Variants in THRAP3 observed in about 807,000 individuals in gnomAD.
The protein encoded by THRAP3 is thyroid hormone receptor associated protein 3, also known as thyroid hormone receptor-associated protein 3.
In THRAP3, 16 loss-of-function variants were observed where a neutral mutation model predicts 101.0. The ratio of observed to expected loss-of-function variants is 0.16; its 90% CI spans 0.11 to 0.24. THRAP3 has a LOEUF of 0.24. Among genes scored for constraint, THRAP3 ranks in the 10% least tolerant of loss-of-function variants. The probability of loss-of-function intolerance (pLI) is 1.00; values close to 1 mark genes in which losing one functional copy is unlikely to be tolerated. For missense variants in THRAP3, 989 were observed against 1,202.7 expected, an observed-to-expected ratio of 0.82 and a Z score of 2.63; for synonymous variants, 407 against 422.6, an observed-to-expected ratio of 0.96 and a Z score of 0.45.
chr1:36,256,998 TG>T (rs2124478184), intron 1 of THRAP3, among the ~76,000 whole-genome samples: 1 of 152,210 alleles, frequency 6.6e-6, no homozygotes, highest in Admixed American at 6.5e-5. Context: ...GGTTTCTCCA[TG>T]TTGGTCAGGC....
At chr1:36,252,923 T>G (rs1645321010) in intron 1 of THRAP3, among the ~76,000 whole-genome samples, 5 of 98,490 alleles carry the variant, frequency 5.1e-5, no homozygotes, top group East Asian at 6.6e-4. Context: ...TATATATAGA[T>G]AGGCATATAT....
chr1:36,223,697 C>T (rs115464631), upstream of THRAP3, among the ~76,000 whole-genome samples: 600 of 152,228 alleles, frequency 3.9e-3, 6 homozygotes, highest in African/African-American at 0.014. Context: ...AGACACTCCC[C>T]GGTAAACTTT....
chr1:36,288,454 G>A (rs1645824321), intron 4 of THRAP3: 1 of 985,410 alleles, frequency 1.0e-6, no homozygotes, highest in African/African-American at 1.7e-5. Flanking sequence ...ACTTGAGCAT[G>A]AGCTCTGCTT....
At chr1:36,220,978 T>TA (rs1557797717), upstream of THRAP3, among the ~76,000 whole-genome samples, 1 of 114,658 alleles carries the variant, frequency 8.7e-6, no homozygotes, top group African/African-American at 4.1e-5. Context: ...AAAAAATATA[T>TA]ATATATATAT....
intron 8 of THRAP3, 27 bp from the exon 9 acceptor site, chr1:36,296,556 C>A: frequency 6.6e-7 from 1 of 1,507,920 alleles, no homozygotes; most frequent in Non-Finnish European, 8.8e-7. Context: ...ATCCCAGAAA[C>A]CTTAATTTTG....
At chr1:36,212,021 G>A in the THRAP3 span, among the ~76,000 whole-genome samples, 1 of 152,176 alleles carries the variant, frequency 6.6e-6, no homozygotes, top group African/African-American at 2.4e-5. Flanking sequence ...CTCATGGCAT[G>A]GAAAAGTCCA....
At chr1:36,295,286 A>C (rs1645931117) in intron 8 of THRAP3, among the ~76,000 whole-genome samples, 1 of 151,996 alleles carries the variant, frequency 6.6e-6, no homozygotes, top group Non-Finnish European at 1.5e-5. Flanking sequence ...CTGCTGTTAA[A>C]CTTTTTTTTT....
intron 9 of THRAP3, among the ~76,000 whole-genome samples, chr1:36,299,755 C>T (rs749517984): frequency 1.4e-4 from 22 of 152,026 alleles, no homozygotes; most frequent in Admixed American, 3.3e-4. Context: ...GTGATCCAGC[C>T]GCCTTGGCCT....
intron 11 of THRAP3, among the ~76,000 whole-genome samples, chr1:36,303,562 T>TA (rs1401785035): frequency 6.6e-6 from 1 of 152,206 alleles, no homozygotes; most frequent in Non-Finnish European, 1.5e-5. Context: ...CAATCATCGT[T>TA]ACAATGCCCA....
chr1:36,219,460 T>C (rs888073083), upstream of THRAP3, among the ~76,000 whole-genome samples: 5 of 152,216 alleles, frequency 3.3e-5, no homozygotes, highest in African/African-American at 9.6e-5. Context: ...GATCTCACTC[T>C]GTTGCCTAGA....
intron 2 of THRAP3, among the ~76,000 whole-genome samples, chr1:36,278,914 ACTCTGT>A (rs1645697088): frequency 6.6e-6 from 1 of 151,814 alleles, no homozygotes; most frequent in Admixed American, 6.6e-5. Context: ...CAAGAGCAAA[ACTCTGT>A]CTCAAAAAAA....
upstream of THRAP3, among the ~76,000 whole-genome samples, chr1:36,221,444 G>T (rs1435276849): frequency 1.3e-5 from 2 of 152,014 alleles, no homozygotes; most frequent in Non-Finnish European, 2.9e-5. Context: ...AATGGATGGG[G>T]CAAACTTCAT....
chr1:36,213,949 AAG>A, the THRAP3 span, among the ~76,000 whole-genome samples: 1 of 127,156 alleles, frequency 7.9e-6, no homozygotes, highest in Non-Finnish European at 1.6e-5. Context: ...GAAAGAAAGA[AAG>A]AAAGAAAGAA....
the THRAP3 span, among the ~76,000 whole-genome samples, chr1:36,212,567 C>T: frequency 3.9e-5 from 6 of 151,918 alleles, no homozygotes; most frequent in African/African-American, 9.7e-5. Context: ...ATTACAGGTG[C>T]GTGCCACCAT....
chr1:36,273,657 T>A (rs890576677), intron 2 of THRAP3, among the ~76,000 whole-genome samples: 6 of 152,180 alleles, frequency 3.9e-5, no homozygotes, highest in Non-Finnish European at 8.8e-5. Flanking sequence ...TTGCAGATGG[T>A]GTAATCTTAA....
chr1:36,230,409 C>T (rs1244620328), intron 1 of THRAP3, among the ~76,000 whole-genome samples: 1 of 152,032 alleles, frequency 6.6e-6, no homozygotes, highest in African/African-American at 2.4e-5. Flanking sequence ...TGAGCCACCG[C>T]GCCCAGCCCT....
In THRAP3 at chr1:36,287,098, G is replaced by C. The variant is rs746014339; in HGVS notation, c.868G>C (p.Gly290Arg). Residue 290 changes from glycine to arginine, a missense_variant, in exon 4 of 12, where the codon GGT (glycine) becomes CGT (arginine). Coordinates refer to ENST00000354618, the MANE Select transcript of THRAP3 (RefSeq NM_005119.4). Reference protein sequence around the residue: ...TSQMGSTLPSGAGYQSGTHQG... With the variant: ...TSQMGSTLPSRAGYQSGTHQG... ...CCAGATGGGCTCAACTCTGCCGAGT[G>C]GTGCCGGGTATCAGTCTGGGACACA... 7 of 1,614,042 alleles carry C rather than the reference G, an allele frequency of 4.3e-6. 1 individual carries two copies. The highest frequency in any genetic ancestry group is 1.7e-5 in the Admixed American group (1 of 60,002).
chr1:36,212,876 C>T, the THRAP3 span, among the ~76,000 whole-genome samples: 4,798 of 152,172 alleles, frequency 0.032, 237 homozygotes, highest in African/African-American at 0.11. Flanking sequence ...GTCTGACAAA[C>T]GCAGTTGGTG....
At chr1:36,255,482 T>C (rs776692256) in intron 1 of THRAP3, among the ~76,000 whole-genome samples, 1 of 149,238 alleles carries the variant, frequency 6.7e-6, no homozygotes, top group Non-Finnish European at 1.5e-5. Context: ...AAAAAAAGAA[T>C]GCCAGGCCAG....
Sources: gnomAD v4.1 joint callset for allele counts (sites outside exome capture counted in the v4.1 genomes callset) on GRCh38, gnomAD v4.1.1 for gene constraint, MANE v1.5 for transcripts, NCBI Gene and HGNC (gene_info 2026-07-23, HGNC 2026-07-21) for gene names.